Variants in KCNQ5 observed in about 807,000 individuals in gnomAD.
KCNQ5 encodes potassium voltage-gated channel subfamily KQT member 5.
KCNQ5 carries 30 observed loss-of-function variants against 98.2 expected under a neutral mutation model. That is an observed-to-expected ratio of 0.31 (90% CI 0.23 to 0.41). The LOEUF is 0.41. Ranked by LOEUF, KCNQ5 falls within the 10% of genes least tolerant of loss-of-function variation. The probability of loss-of-function intolerance (pLI) is 1.00; values close to 1 mark genes in which losing one functional copy is unlikely to be tolerated. For missense variants in KCNQ5, 835 were observed against 1,182.5 expected (o/e 0.71, Z 4.31); for synonymous variants, 458 against 449.4 (o/e 1.02, Z -0.24).
At chr6:73,158,685 T>C (rs1337206896) in intron 10 of KCNQ5, among the ~76,000 whole-genome samples, 1 of 152,142 alleles carries the variant, frequency 6.6e-6, no homozygotes, top group East Asian at 1.9e-4. Flanking sequence ...AAATGAAGTA[T>C]AAATAATTTA....
At chr6:72,789,970 C>T (rs757616104) in intron 1 of KCNQ5, among the ~76,000 whole-genome samples, 8 of 152,012 alleles carry the variant, frequency 5.3e-5, no homozygotes, top group Non-Finnish European at 1.2e-4. Flanking sequence ...GGGCCCAGTG[C>T]GAGAGAACAG....
chr6:72,886,982 A>G (rs1156689001), intron 1 of KCNQ5, among the ~76,000 whole-genome samples: 1 of 152,238 alleles, frequency 6.6e-6, no homozygotes, highest in Non-Finnish European at 1.5e-5. Context: ...AAGACAAAAA[A>G]GAATGATGAG....
chr6:72,738,536 A>G (rs1011826000), intron 1 of KCNQ5, among the ~76,000 whole-genome samples: 1 of 152,118 alleles, frequency 6.6e-6, no homozygotes, highest in African/African-American at 2.4e-5. Flanking sequence ...ATAATATCTT[A>G]TGTTTCTTTA....
intron 1 of KCNQ5, among the ~76,000 whole-genome samples, chr6:72,866,823 A>G (rs1778006878): frequency 6.6e-6 from 1 of 152,244 alleles, no homozygotes; most frequent in Non-Finnish European, 1.5e-5. Flanking sequence ...AACCTCCGTC[A>G]TTAACATTCT....
intron 1 of KCNQ5, among the ~76,000 whole-genome samples, chr6:72,894,455 G>A (rs1779169311): frequency 6.6e-6 from 1 of 152,162 alleles, no homozygotes; most frequent in Admixed American, 6.5e-5. Flanking sequence ...ATCTTTGTTA[G>A]AAATAATATG....
At chr6:73,062,772 G>A (rs995925300) in intron 3 of KCNQ5, among the ~76,000 whole-genome samples, 1 of 152,018 alleles carries the variant, frequency 6.6e-6, no homozygotes, top group African/African-American at 2.4e-5. Context: ...TTGAATTGTA[G>A]GTTCTTTTAC....
At chr6:73,127,991 G>A (rs1325431637) in intron 9 of KCNQ5, among the ~76,000 whole-genome samples, 1 of 152,076 alleles carries the variant, frequency 6.6e-6, no homozygotes, top group Non-Finnish European at 1.5e-5. Flanking sequence ...CTTGAACCTG[G>A]GAAGCAGAGG....
Position 73,195,016 on chromosome 6 carries a change from G to T in KCNQ5, c.2401G>T (p.Asp801Tyr), listed in dbSNP as rs774880129. The T allele has an allele frequency of 6.2e-7, 1 of 1,614,138 alleles. No individual in the cohort carries two copies. Among genetic ancestry groups the T allele is most frequent in the Non-Finnish European group, 8.5e-7 (1 of 1,180,034 alleles). ...VQVAQSNLTK[D>Y]RSMRKSFDMG... Reference sequence around the variant, plus strand: ...GGTTGCACAGTCAAATCTCACCAAGGACCGTTCTATGAGGAAAAGCTTTGA... The same window carrying T: ...GGTTGCACAGTCAAATCTCACCAAGTACCGTTCTATGAGGAAAAGCTTTGA... Residue 801 changes from aspartate to tyrosine, a missense_variant, in exon 14 of 14, where the codon GAC (aspartate) becomes TAC (tyrosine). Transcript: ENST00000370398.
chr6:72,883,689 A>G (rs191640889), intron 1 of KCNQ5, among the ~76,000 whole-genome samples: 1 of 152,162 alleles, frequency 6.6e-6, no homozygotes, highest in African/African-American at 2.4e-5. Context: ...TGAACAGAAA[A>G]GTTCCCATTG....
At chr6:72,776,434 T>A (rs1193652889) in intron 1 of KCNQ5, among the ~76,000 whole-genome samples, 1 of 152,216 alleles carries the variant, frequency 6.6e-6, no homozygotes, top group Non-Finnish European at 1.5e-5. Context: ...GTTCAACTCT[T>A]TATATATCAA....
intron 1 of KCNQ5, among the ~76,000 whole-genome samples, chr6:72,891,936 T>C (rs1185552662): frequency 1.3e-5 from 2 of 152,174 alleles, no homozygotes; most frequent in Non-Finnish European, 2.9e-5. Flanking sequence ...ATTATTGCTA[T>C]GTTAACAACA....
intron 1 of KCNQ5, among the ~76,000 whole-genome samples, chr6:72,669,925 T>C (rs1188152033): frequency 6.6e-6 from 1 of 151,838 alleles, no homozygotes; most frequent in Non-Finnish European, 1.5e-5. Context: ...TTTTTTTTTT[T>C]TGGAATGTGG....
chr6:73,130,505 C>T (rs1323499290), intron 9 of KCNQ5, among the ~76,000 whole-genome samples: 1 of 152,140 alleles, frequency 6.6e-6, no homozygotes, highest in Non-Finnish European at 1.5e-5. Flanking sequence ...AAAGCAAGAC[C>T]TCCTTGTTGG....
At chr6:72,895,720 A>G (rs1329388577) in intron 1 of KCNQ5, among the ~76,000 whole-genome samples, 1 of 149,936 alleles carries the variant, frequency 6.7e-6, no homozygotes, top group East Asian at 1.9e-4. Context: ...ATATATATAA[A>G]ACTTACCCAT....
intron 1 of KCNQ5, among the ~76,000 whole-genome samples, chr6:72,909,014 T>A (rs1424683770): frequency 6.6e-6 from 1 of 152,160 alleles, no homozygotes; most frequent in Non-Finnish European, 1.5e-5. Flanking sequence ...TGCATATAAT[T>A]TAATATTCTT....
chr6:72,962,734 A>G (rs1246554860), intron 1 of KCNQ5, among the ~76,000 whole-genome samples: 1 of 152,126 alleles, frequency 6.6e-6, no homozygotes, highest in Admixed American at 6.5e-5. Flanking sequence ...CTAATAGGGA[A>G]CCAATGGCAG....
intron 9 of KCNQ5, 193 bp downstream of exon 9, chr6:73,124,705 T>G: frequency 1.7e-6 from 1 of 603,734 alleles, no homozygotes; most frequent in East Asian, 2.9e-5. Flanking sequence ...TTTCCCTAAC[T>G]CACTCCCTGC....
intron 2 of KCNQ5, among the ~76,000 whole-genome samples, chr6:73,020,747 T>TCA (rs1770565853): frequency 6.6e-6 from 1 of 152,206 alleles, no homozygotes; most frequent in Non-Finnish European, 1.5e-5. Context: ...ACTTATCACT[T>TCA]TGAAGATTCT....
At position 72,921,551 on chromosome 6, in the gene KCNQ5, CT is replaced by C. The variant is rs1475115728; in HGVS notation, c.399-82356del. Among the ~76,000 whole-genome samples the C allele has an allele frequency of 4.6e-5, 7 of 152,152 alleles. No individual in the cohort carries two copies. In the East Asian group the frequency reaches 1.3e-3, roughly 29 times the overall value. ...GTTTGAATTCTGGAGCTGCTACTTACTAGTTGTATGACGTTGCTTGCATGAG... is the reference window on the plus strand; with the variant it reads ...GTTTGAATTCTGGAGCTGCTACTTACAGTTGTATGACGTTGCTTGCATGAG... On this transcript the variant is annotated intron_variant, in intron 1 of 13. Coordinates refer to ENST00000370398, the MANE Select transcript of KCNQ5 (RefSeq NM_019842.4).
Sources: allele counts gnomAD v4.1 joint callset (sites outside exome capture counted in the v4.1 genomes callset), GRCh38; gene constraint gnomAD v4.1.1; transcripts MANE v1.5; gene names NCBI Gene and HGNC (gene_info 2026-07-23, HGNC 2026-07-21).